Variants in IRAG2 observed in about 807,000 individuals in gnomAD.
The protein encoded by IRAG2 is inositol 1,4,5-triphosphate receptor associated 2.
Under a neutral mutation model 69.9 loss-of-function variants are expected in IRAG2, and 45 were observed. That is an observed-to-expected ratio of 0.64 (90% confidence interval 0.51 to 0.83). The LOEUF (loss-of-function observed/expected upper bound fraction) is 0.83. Ranked by LOEUF, IRAG2 falls within the 40% of genes least tolerant of loss-of-function variation. IRAG2 has a pLI of 0.00. For synonymous variants in IRAG2, 193 were observed against 202.4 expected (o/e 0.95, Z 0.40); for missense variants, 520 against 587.0 (o/e 0.89, Z 1.18).
intron 11 of IRAG2, among the ~76,000 whole-genome samples, chr12:25,089,327 A>T (rs2140163251): frequency 6.6e-6 from 1 of 152,336 alleles, no homozygotes; most frequent in South Asian, 2.1e-4. Flanking sequence ...AGTATAGCAA[A>T]CATGCAAATG....
rs901255750 is a variant in IRAG2 at position 25,046,802 on chromosome 12, AT to A, written c.2145-5426del. 6.6e-5 allele frequency among the ~76,000 whole-genome samples: 10 copies of A among 152,218 alleles called. 1 individual carries two copies. Among genetic ancestry groups the A allele is most frequent in the Admixed American group, 2.0e-4 (3 of 15,278 alleles). ...AATCCCTAACAAAAATTCCAATCGC[AT>A]TTTTTTACAGGAATAGAAAGAAAAT... On this transcript the variant is annotated intron_variant, in intron 16 of 38. Coordinates refer to the IRAG2 transcript ENST00000636465.
intron 10 of IRAG2, chr12:25,030,354 A>G: frequency 8.1e-7 from 1 of 1,227,970 alleles, no homozygotes; most frequent in Non-Finnish European, 1.0e-6. Context: ...GTTCCTTACC[A>G]CAAAGTCCCA....
intron 6 of IRAG2, 100 bp from the exon 7 acceptor site, chr12:25,079,144 G>A: frequency 8.7e-7 from 1 of 1,155,960 alleles, no homozygotes. Context: ...AGTAAATATG[G>A]GTTCATTTAG....
the IRAG2 span, among the ~76,000 whole-genome samples, chr12:24,998,435 T>C: frequency 6.6e-5 from 10 of 152,350 alleles, no homozygotes; most frequent in African/African-American, 2.2e-4. Context: ...GAAGAAGTGT[T>C]ATTATTTTAT....
At chr12:25,054,208 C>CTGTGTGTTAT (rs1472343668) in intron 1 of IRAG2, among the ~76,000 whole-genome samples, 4 of 152,162 alleles carry the variant, frequency 2.6e-5, no homozygotes, top group African/African-American at 9.7e-5. Flanking sequence ...GTAAGGCAGT[C>CTGTGTGTTAT]TTTAAATTAC....
intron 16 of IRAG2, among the ~76,000 whole-genome samples, chr12:25,101,548 A>G (rs576296255): frequency 2.0e-5 from 3 of 152,344 alleles, no homozygotes; most frequent in Non-Finnish European, 4.4e-5. Flanking sequence ...TATTAACTCA[A>G]TTTAGATTAC....
At chr12:25,024,009 T>A in intron 8 of IRAG2, 1 of 677,308 alleles carries the variant, frequency 1.5e-6, no homozygotes, top group African/African-American at 1.8e-5. Flanking sequence ...AAAAATCATG[T>A]AAATATAGCC....
chr12:25,033,865 A>C (rs1167431618), exon 13 of IRAG2: 1 of 398,884 alleles, frequency 2.5e-6, no homozygotes, highest in Non-Finnish European at 4.4e-6. Flanking sequence ...ATCCAGTTGA[A>C]TGTTAATGGA....
At chr12:25,098,501 T>C (rs1336635434) in intron 15 of IRAG2, among the ~76,000 whole-genome samples, 2 of 152,192 alleles carry the variant, frequency 1.3e-5, no homozygotes, top group Non-Finnish European at 2.9e-5. Context: ...GCGTTGTCTC[T>C]AACCCTATCC....
chr12:25,018,129 AG>A (rs1944546655), intron 6 of IRAG2, among the ~76,000 whole-genome samples: 1 of 150,888 alleles, frequency 6.6e-6, no homozygotes, highest in South Asian at 2.1e-4. Context: ...TTTGGCTATT[AG>A]GAATAATGCT....
intron 15 of IRAG2, among the ~76,000 whole-genome samples, chr12:25,100,248 G>A (rs1413614728): frequency 6.6e-6 from 1 of 152,096 alleles, no homozygotes; most frequent in Non-Finnish European, 1.5e-5. Context: ...AGAAGGAATA[G>A]TGTTGGTGAG....
At chr12:25,058,181 C>G (rs530302887) in intron 1 of IRAG2, among the ~76,000 whole-genome samples, 1 of 152,112 alleles carries the variant, frequency 6.6e-6, no homozygotes, top group African/African-American at 2.4e-5. Context: ...AAATGGTTTT[C>G]GGTAGTTTTT....
the IRAG2 span, among the ~76,000 whole-genome samples, chr12:24,999,309 G>A: frequency 1.3e-5 from 2 of 152,186 alleles, no homozygotes; most frequent in South Asian, 2.1e-4. Context: ...GAATCAAATC[G>A]GACTTGTTTT....
At chr12:25,071,937 C>T (rs1292669706) in intron 6 of IRAG2, among the ~76,000 whole-genome samples, 1 of 152,118 alleles carries the variant, frequency 6.6e-6, no homozygotes, top group Non-Finnish European at 1.5e-5. Context: ...GGCGCAGTGG[C>T]ACACGCCTGT....
At chr12:25,002,351 G>T (rs1480310406), upstream of IRAG2, among the ~76,000 whole-genome samples, 1 of 152,214 alleles carries the variant, frequency 6.6e-6, no homozygotes, top group Admixed American at 6.5e-5. Flanking sequence ...ATATATAATT[G>T]TAGATTATCA....
chr12:25,105,851 G>GA (rs543258484), intron 20 of IRAG2, among the ~76,000 whole-genome samples: 3 of 151,754 alleles, frequency 2.0e-5, no homozygotes, highest in Non-Finnish European at 2.9e-5. Flanking sequence ...ATGTTTGAAT[G>GA]AAAAAAAAGT....
At chr12:25,078,965 C>T (rs1947014346) in intron 6 of IRAG2, among the ~76,000 whole-genome samples, 1 of 152,140 alleles carries the variant, frequency 6.6e-6, no homozygotes, top group African/African-American at 2.4e-5. Context: ...ACCCTATCTG[C>T]CATTTGAGTT....
intron 4 of IRAG2, among the ~76,000 whole-genome samples, chr12:25,066,019 G>T (rs1207109463): frequency 1.3e-5 from 2 of 152,156 alleles, no homozygotes; most frequent in East Asian, 3.8e-4. Flanking sequence ...TCACCCGCTG[G>T]CTGTAGATTG....
At chr12:25,008,660 A>G (rs1324023441) in intron 2 of IRAG2, among the ~76,000 whole-genome samples, 1 of 152,004 alleles carries the variant, frequency 6.6e-6, no homozygotes, top group Non-Finnish European at 1.5e-5. Flanking sequence ...AAGCGTTTGA[A>G]CTCAGGAGTT....
Sources: allele counts gnomAD v4.1 joint callset (sites outside exome capture counted in the v4.1 genomes callset), GRCh38; gene constraint gnomAD v4.1.1; transcripts MANE v1.5; gene names NCBI Gene and HGNC (gene_info 2026-07-23, HGNC 2026-07-21).